Variants in ANXA3 observed in about 807,000 individuals in gnomAD.
The protein encoded by ANXA3 is annexin A3, also known as 35-alpha calcimedin.
Under a neutral mutation model 48.8 loss-of-function variants are expected in ANXA3, and 46 were observed. The ratio of observed to expected loss-of-function variants is 0.94; its 90% confidence interval spans 0.74 to 1.21. ANXA3 has a LOEUF of 1.21. Among genes scored for constraint, ANXA3 ranks in the 50% most tolerant of loss-of-function variants. ANXA3 has a pLI of 0.00. For missense variants in ANXA3, 383 were observed against 378.6 expected, an observed-to-expected ratio of 1.01 and a Z score of -0.10; for synonymous variants, 128 against 134.7, an observed-to-expected ratio of 0.95 and a Z score of 0.35.
intron 2 of ANXA3, among the ~76,000 whole-genome samples, chr4:78,568,231 C>A (rs1283935323): frequency 4.6e-5 from 7 of 152,178 alleles, no homozygotes; most frequent in Admixed American, 3.9e-4. Context: ...TTACAGTAAA[C>A]TTTCTTTGGT....
At chr4:78,579,150 A>G in intron 4 of ANXA3, 29 bp downstream of exon 4, 1 of 1,493,450 alleles carries the variant, frequency 6.7e-7, no homozygotes. Flanking sequence ...GACAGGCAGT[A>G]AAGAGATCAT....
chr4:78,597,100 T>C (rs1273120172), intron 9 of ANXA3: 7 of 436,898 alleles, frequency 1.6e-5, no homozygotes, highest in Non-Finnish European at 2.8e-5. Flanking sequence ...AGAGAGATCA[T>C]TGAAGAAAAT....
intron 12 of ANXA3, 116 bp downstream of exon 12, chr4:78,604,515 T>C (rs556434720): frequency 3.6e-6 from 3 of 823,160 alleles, no homozygotes; most frequent in Non-Finnish European, 5.3e-6. Context: ...TCCTTGTCAA[T>C]GTATAAATGT....
intron 1 of ANXA3, 80 bp downstream of exon 1, chr4:78,551,939 G>A (rs919144256): frequency 2.6e-5 from 4 of 152,272 alleles, no homozygotes; most frequent in African/African-American, 9.6e-5. Flanking sequence ...AGGTCGCGGC[G>A]CCTCGCCCAG....
chr4:78,598,699 C>G (rs1723477390), intron 10 of ANXA3, among the ~76,000 whole-genome samples: 1 of 152,112 alleles, frequency 6.6e-6, no homozygotes, highest in South Asian at 2.1e-4. Context: ...GCCACCACGC[C>G]TGGCTAACGT....
chr4:78,574,162 T>C (rs1211559910), intron 3 of ANXA3, among the ~76,000 whole-genome samples: 1 of 152,182 alleles, frequency 6.6e-6, no homozygotes, highest in African/African-American at 2.4e-5. Context: ...CTCCTGCCTG[T>C]GATCCCAGCA....
intron 2 of ANXA3, among the ~76,000 whole-genome samples, chr4:78,572,516 G>A (rs369811916): frequency 6.6e-6 from 1 of 152,160 alleles, no homozygotes. Context: ...AAAATGGAGG[G>A]CAGGGGGCTA....
chr4:78,589,203 C>G (rs1263976352), intron 6 of ANXA3, among the ~76,000 whole-genome samples: 1 of 152,136 alleles, frequency 6.6e-6, no homozygotes, highest in Non-Finnish European at 1.5e-5. Context: ...AGGTTAAGGT[C>G]TTAAGAGCCA....
chr4:78,568,144 T>C (rs1722768958), intron 2 of ANXA3, among the ~76,000 whole-genome samples: 1 of 152,216 alleles, frequency 6.6e-6, no homozygotes. Flanking sequence ...GGTTAGGACT[T>C]TAAGGTATTT....
chr4:78,585,377 C>G (rs1723151112), intron 5 of ANXA3, among the ~76,000 whole-genome samples: 2 of 152,190 alleles, frequency 1.3e-5, no homozygotes. Flanking sequence ...AGGCTCATGA[C>G]TCAGCCATTA....
Position 78,554,458 on chromosome 4 carries a change from G to A in ANXA3, c.-16G>A. 1 of 1,611,888 alleles carries A rather than the reference G, an allele frequency of 6.2e-7. No individual in the cohort carries two copies. Among genetic ancestry groups the A allele is most frequent in the Non-Finnish European group, 8.5e-7 (1 of 1,178,602 alleles). ...TAGATTAGTGTGATCTCAGCTCAAG[G>A]CAAAGGTGGGATATCATGGCATCTA... is the stretch of plus-strand genomic sequence containing the variant. On this transcript the variant is annotated 5_prime_UTR_variant, in exon 2 of 13. Transcript: ENST00000264908.
In ANXA3 at chr4:78,604,705, C is replaced by T. The variant is rs540172847; in HGVS notation, c.912+306C>T. ...TATATTGCACTGTTTTTATTTATTTCAGTCTTTATGACAATGTAAGAAAAG... is the reference window on the plus strand; with the variant it reads ...TATATTGCACTGTTTTTATTTATTTTAGTCTTTATGACAATGTAAGAAAAG... On this transcript the variant is annotated intron_variant, in intron 12 of 12. Coordinates refer to ENST00000264908, the MANE Select transcript of ANXA3 (RefSeq NM_005139.3). Among the ~76,000 whole-genome samples the T allele has an allele frequency of 2.8e-3, 421 of 152,286 alleles. 1 individual carries two copies. Among genetic ancestry groups the T allele is most frequent in the African/African-American group, 9.7e-3 (403 of 41,556 alleles).
At chr4:78,593,052 T>G (rs1489883502) in intron 7 of ANXA3, among the ~76,000 whole-genome samples, 1 of 151,978 alleles carries the variant, frequency 6.6e-6, no homozygotes, top group Non-Finnish European at 1.5e-5. Flanking sequence ...CAATCCCGTG[T>G]TTTGGTTTTG....
chr4:78,566,468 A>G (rs1287346664), intron 2 of ANXA3, among the ~76,000 whole-genome samples: 1 of 146,536 alleles, frequency 6.8e-6, no homozygotes, highest in African/African-American at 2.5e-5. Flanking sequence ...ACTATAGAAT[A>G]CTACTCAGCC....
In ANXA3 at chr4:78,554,426, CT is replaced by C. The variant is rs1376157848; in HGVS notation, c.-38-6del. On this transcript the variant is annotated splice_polypyrimidine_tract_variant and intron_variant, in intron 1 of 12. Coordinates refer to ENST00000264908, the MANE Select transcript of ANXA3 (RefSeq NM_005139.3). ...ATTGATACCATTTACTAATTGTTTT[CT>C]TTTAATAGATTAGTGTGATCTCAGC... 2 of 1,569,298 alleles carry C rather than the reference CT, an allele frequency of 1.3e-6. No homozygotes were observed. The highest frequency in any genetic ancestry group is 1.8e-6 in the Non-Finnish European group (2 of 1,140,984).
chr4:78,601,442 T>C (rs1037970162), intron 10 of ANXA3, 68 bp from the exon 11 acceptor site: 7 of 1,426,748 alleles, frequency 4.9e-6, no homozygotes, highest in Non-Finnish European at 6.9e-6. Context: ...TTAAAAAACA[T>C]ATTACTTACT....
chr4:78,582,128 A>G (rs749704052), intron 4 of ANXA3, 49 bp from the exon 5 acceptor site: 40 of 1,293,464 alleles, frequency 3.1e-5, no homozygotes, highest in Middle Eastern at 3.7e-4. Flanking sequence ...ACTTTAGAGA[A>G]AGAGAAAAAA....
chr4:78,604,101 A>C, intron 11 of ANXA3, 176 bp from the exon 12 acceptor site: 1 of 541,590 alleles, frequency 1.8e-6, no homozygotes, highest in South Asian at 4.4e-5. Context: ...GCTGTCACAG[A>C]GTAGGTGCTC....
intron 3 of ANXA3, among the ~76,000 whole-genome samples, chr4:78,573,771 G>C (rs1341027200): frequency 6.6e-6 from 1 of 152,180 alleles, no homozygotes; most frequent in Admixed American, 6.5e-5. Context: ...TGAAACTGTA[G>C]TGCCACCCCT....
Sources: allele counts gnomAD v4.1 joint callset (sites outside exome capture counted in the v4.1 genomes callset), GRCh38; gene constraint gnomAD v4.1.1; transcripts MANE v1.5; gene names NCBI Gene and HGNC (gene_info 2026-07-23, HGNC 2026-07-21).